The following TTYH2 variants were observed in gnomAD, a reference collection of about 807,000 sequenced individuals.
TTYH2 encodes the protein protein tweety homolog 2.
TTYH2 carries 49 observed loss-of-function variants against 68.3 expected under a neutral mutation model. The ratio of observed to expected loss-of-function variants is 0.72; its 90% CI spans 0.57 to 0.91. TTYH2 has a LOEUF of 0.91. Ranked by LOEUF, TTYH2 falls within the 40% of genes least tolerant of loss-of-function variation. TTYH2 has a pLI of 0.00. For synonymous variants in TTYH2, 272 were observed against 300.8 expected (o/e 0.90, Z 0.99); for missense variants, 631 against 700.4 (o/e 0.90, Z 1.12).
chr17:74,257,596 G>C (rs567750511), intron 13 of TTYH2, among the ~76,000 whole-genome samples: 1 of 152,340 alleles, frequency 6.6e-6, no homozygotes, highest in African/African-American at 2.4e-5. Context: ...GGTGGGTGAT[G>C]TCACGCCTGG....
At chr17:74,235,942 G>A (rs532147920) in intron 3 of TTYH2, among the ~76,000 whole-genome samples, 11 of 151,436 alleles carry the variant, frequency 7.3e-5, no homozygotes, top group East Asian at 3.9e-4. Flanking sequence ...ATGGATGAAC[G>A]GGCTACTCTG....
chr17:74,236,700 G>A (rs954861854), intron 3 of TTYH2, among the ~76,000 whole-genome samples: 3 of 152,136 alleles, frequency 2.0e-5, no homozygotes, highest in East Asian at 1.9e-4. Context: ...CTCCTTTGGC[G>A]CCAGCATTCT....
In TTYH2 at chr17:74,222,491, C is replaced by T. The variant is rs1382186015; in HGVS notation, c.136C>T (p.Leu46=). Residue 46 remains leucine (L), a synonymous_variant, in exon 2 of 14, where the codon CTG becomes TTG. Coordinates refer to ENST00000269346, the MANE Select transcript of TTYH2 (RefSeq NM_032646.6). The surrounding 1 kb of genome is among the most constrained non-coding windows in gnomAD (Gnocchi z 5.2). ...PGDESYQESL[L]FLGLVAAVCL... ...GGCCTCTGCTCTCTTCCAGTCGCTG[C>T]TGTTCCTGGGGCTGGTGGCCGCCGT... The T allele has an allele frequency of 6.2e-7, 1 of 1,609,252 alleles. No individual in the cohort carries two copies. Among genetic ancestry groups the T allele is most frequent in the South Asian group, 1.1e-5 (1 of 90,906 alleles).
chr17:74,261,521 A>C lies in TTYH2; in HGVS notation c.*1312A>C, dbSNP rs2050750508. The C allele has an allele frequency of 6.6e-6, 1 of 152,628 alleles. No homozygotes were observed. Among genetic ancestry groups the C allele is most frequent in the South Asian group, 2.1e-4 (1 of 4,826 alleles). 9.5% of individuals were successfully genotyped at this position (152,628 alleles called of 1,614,324 possible). A position where few individuals can be genotyped will look rare whatever the true frequency, so the allele number is the denominator to read the frequency against. ...GGAGCTTATTGGCCAGGAGGGAATAATGTCCCCCAATACTGCCTGTTGAGG... is the reference window on the plus strand; with the variant it reads ...GGAGCTTATTGGCCAGGAGGGAATACTGTCCCCCAATACTGCCTGTTGAGG... On this transcript the variant is annotated 3_prime_UTR_variant, in exon 14 of 14. Coordinates refer to ENST00000269346, the MANE Select transcript of TTYH2 (RefSeq NM_032646.6).
At chr17:74,255,833 C>T (rs555515853) in intron 13 of TTYH2, among the ~76,000 whole-genome samples, 1 of 152,344 alleles carries the variant, frequency 6.6e-6, no homozygotes, top group South Asian at 2.1e-4. Flanking sequence ...CATCTCCCTT[C>T]ATTGGGCCTG....
Position 74,244,052 on chromosome 17 carries a change from G to T in TTYH2, c.804+3G>T. The T allele has an allele frequency of 1.2e-6, 2 of 1,610,566 alleles. No individual in the cohort carries two copies. ...CCGCTGATGGCTCTGCGGCAGTGGT[G>T]AGTTGGGGGAGGGAGTGGGTGGTGG... On this transcript the variant is annotated splice_donor_region_variant and intron_variant, in intron 6 of 13. Transcript: ENST00000269346.
chr17:74,247,583 C>T (rs891930614), intron 6 of TTYH2, among the ~76,000 whole-genome samples: 5 of 152,158 alleles, frequency 3.3e-5, no homozygotes, highest in Non-Finnish European at 7.3e-5. Context: ...AGCCTCCTGT[C>T]CCTCTCCTTT....
chr17:74,237,426 G>T lies in TTYH2; in HGVS notation c.547G>T (p.Val183Phe). The change falls in exon 4 of 14, where the codon GTT (valine) becomes TTT (phenylalanine). Residue 183 changes from valine (V) to phenylalanine (F), a missense_variant. Transcript: ENST00000269346. ...ACAGCAGATGGCGGGCAGCGTTGTTGTTCAGCTCTCAGGACTGCCCGTGTG... is the reference window on the plus strand; with the variant it reads ...ACAGCAGATGGCGGGCAGCGTTGTTTTTCAGCTCTCAGGACTGCCCGTGTG... ...FIQQMAGSVV[V>F]QLSGLPVWRE... 1.2e-6 allele frequency: 2 copies of T among 1,614,140 alleles called. No individual in the cohort carries two copies. The highest frequency in any genetic ancestry group is 1.7e-6 in the Non-Finnish European group (2 of 1,180,026).
rs1012357696 is a variant in TTYH2 at position 74,260,311 on chromosome 17, G to A, written c.*102G>A. The A allele has an allele frequency of 7.3e-6, 9 of 1,227,338 alleles. No homozygotes were observed. The highest frequency in any genetic ancestry group is 1.5e-5 in the African/African-American group (1 of 67,428). 76.0% of individuals were successfully genotyped at this position (1,227,338 alleles called of 1,614,324 possible). A position where few individuals can be genotyped will look rare whatever the true frequency, so the allele number is the denominator to read the frequency against. On this transcript the variant is annotated 3_prime_UTR_variant, in exon 14 of 14. Transcript: ENST00000269346. ...TAGAAACCAAAGGCATCTGGAGCCC[G>A]AGAGGCCTCCTGCTGTGGCAGAGGA...
rs1281293105 is a variant in TTYH2 at position 74,241,230 on chromosome 17, GGACAACATA to G, written c.636-2139_636-2131del. The stretch of plus-strand genomic sequence containing the variant: ...GAGTCCAGGAGTTTGAGACCAGCCT[GGACAACATA>G]GACAGACCCGGTATTTATAATACGT... On this transcript the variant is annotated intron_variant, in intron 4 of 13. Coordinates refer to ENST00000269346, the MANE Select transcript of TTYH2 (RefSeq NM_032646.6). The surrounding 1 kb of genome is among the most constrained non-coding windows in gnomAD (Gnocchi z 4.1). Among the ~76,000 whole-genome samples, 3 of 151,888 alleles carry G rather than the reference GGACAACATA, an allele frequency of 2.0e-5. No individual in the cohort carries two copies. In the East Asian group the frequency reaches 5.8e-4, roughly 29 times the overall value.
In TTYH2 at chr17:74,260,515, G is replaced by A. The variant is rs2050739339; in HGVS notation, c.*306G>A. On this transcript the variant is annotated 3_prime_UTR_variant, in exon 14 of 14. Coordinates refer to ENST00000269346, the MANE Select transcript of TTYH2 (RefSeq NM_032646.6). ...TCACCCCTACGCCTCGCCCTTGCCA[G>A]GAGGGGAGTGGCAGTGAGGAGGGGG... 8 of 396,078 alleles carry A rather than the reference G, an allele frequency of 2.0e-5. No individual in the cohort carries two copies. In the East Asian group the frequency reaches 3.5e-4, roughly 17 times the overall value. The allele number at this position is 396,078 out of a possible 1,614,324, so 24.5% of individuals were successfully genotyped here.
chr17:74,248,967 G>A (rs1567819362), intron 6 of TTYH2, 44 bp from the exon 7 acceptor site: 1 of 1,613,680 alleles, frequency 6.2e-7, no homozygotes, highest in Admixed American at 1.7e-5. Context: ...CCGCTGTCCT[G>A]ATACCTGATT....
intron 10 of TTYH2, among the ~76,000 whole-genome samples, chr17:74,251,114 T>G (rs77144741): frequency 0.013 from 681 of 53,704 alleles, 6 homozygotes; most frequent in African/African-American, 0.065. Flanking sequence ...TGTGGTGTGT[T>G]TCTGCGGTTG....
intron 9 of TTYH2, 98 bp downstream of exon 9, chr17:74,250,126 T>G (rs1294282119): frequency 5.3e-6 from 8 of 1,500,000 alleles, no homozygotes. Context: ...AGCTTGCTGC[T>G]GGCTCTCTGT....
Position 74,239,330 on chromosome 17 carries a change from G to A in TTYH2, c.635+1816G>A, listed in dbSNP as rs984059345. 6.6e-6 allele frequency among the ~76,000 whole-genome samples: 1 copy of A among 152,212 alleles called. No homozygotes were observed. Among genetic ancestry groups the A allele is most frequent in the Non-Finnish European group, 1.5e-5 (1 of 68,032 alleles). ...TGCTCCCAGGGCCCGGGCCTAGCAT[G>A]GAGGAGGCACGTGGGGAGGGGAAGC... is the stretch of plus-strand genomic sequence containing the variant. On this transcript the variant is annotated intron_variant, in intron 4 of 13. Transcript: ENST00000269346. This position sits in a 1 kb window ranked among gnomAD's most constrained non-coding sequence, Gnocchi z 5.3.
chr17:74,234,783 T>G (rs1033505752), intron 3 of TTYH2, among the ~76,000 whole-genome samples: 8 of 152,172 alleles, frequency 5.3e-5, no homozygotes, highest in Non-Finnish European at 1.2e-4. Flanking sequence ...ACTCTGAAGT[T>G]TGTTTGATTT....
Position 74,253,276 on chromosome 17 carries a change from G to A in TTYH2, c.1445+10G>A, listed in dbSNP as rs375820534. ...CTGTCTCCGAGTACATGTACGGCCT[G>A]CACACACACCCAGGCTGGGTAGCAC... On this transcript the variant is annotated intron_variant, in intron 12 of 13. Coordinates refer to ENST00000269346, the MANE Select transcript of TTYH2 (RefSeq NM_032646.6). The A allele has an allele frequency of 2.0e-5, 32 of 1,578,740 alleles. No individual in the cohort carries two copies. Among genetic ancestry groups the A allele is most frequent in the Admixed American group, 7.4e-5 (4 of 54,236 alleles).
chr17:74,249,541 G>A, intron 8 of TTYH2, 142 bp downstream of exon 8: 1 of 901,494 alleles, frequency 1.1e-6, no homozygotes, highest in South Asian at 1.5e-5. Context: ...TCTGTGAGGG[G>A]GGCGTGCTTT....
chr17:74,240,675 C>A (rs908196767), intron 4 of TTYH2: 1 of 152,122 alleles, frequency 6.6e-6, no homozygotes, highest in Non-Finnish European at 1.5e-5. Flanking sequence ...CAAGGCGGGG[C>A]GAAGTATTGG....
Sources: allele counts gnomAD v4.1 joint callset (sites outside exome capture counted in the v4.1 genomes callset), GRCh38; gene constraint gnomAD v4.1.1; non-coding constraint Gnocchi (gnomAD v3.1); transcripts MANE v1.5; gene names NCBI Gene and HGNC (gene_info 2026-07-23, HGNC 2026-07-21).